ASTN2: variants seen among roughly 807,000 people sequenced by gnomAD.
The protein encoded by ASTN2 is astrotactin 2, also known as astrotactin-2.
Under a neutral mutation model 139.8 loss-of-function variants are expected in ASTN2, and 54 were observed. That is an observed-to-expected ratio of 0.39 (90% CI 0.31 to 0.48). The LOEUF (loss-of-function observed/expected upper bound fraction) is 0.48. Among genes scored for constraint, ASTN2 ranks in the 20% least tolerant of loss-of-function variants. ASTN2 has a pLI of 0.95. For synonymous variants in ASTN2, 756 were observed against 719.5 expected (o/e 1.05, Z -0.81); for missense variants, 1,565 against 1,725.1 (o/e 0.91, Z 1.64).
intron 4 of ASTN2, among the ~76,000 whole-genome samples, chr9:117,099,173 A>T (rs1828913130): frequency 6.6e-6 from 1 of 152,148 alleles, no homozygotes; most frequent in South Asian, 2.1e-4. Flanking sequence ...GGCCAAAGAA[A>T]AAATGAAGGC....
At chr9:117,270,622 C>A (rs967394615) in intron 2 of ASTN2, among the ~76,000 whole-genome samples, 6 of 152,164 alleles carry the variant, frequency 3.9e-5, no homozygotes, top group African/African-American at 1.4e-4. Flanking sequence ...TTTGGTCTCA[C>A]CATTGAGTGG....
intron 1 of ASTN2, among the ~76,000 whole-genome samples, chr9:117,302,617 C>T (rs2130802044): frequency 6.6e-6 from 1 of 152,268 alleles, no homozygotes; most frequent in South Asian, 2.1e-4. Context: ...CCCCACACCC[C>T]AACCCAGGGG....
intron 19 of ASTN2, among the ~76,000 whole-genome samples, chr9:116,607,684 C>T (rs1196390585): frequency 1.3e-5 from 1 of 77,092 alleles, no homozygotes; most frequent in Non-Finnish European, 3.1e-5. Context: ...CACACACACA[C>T]ACACACACAC....
chr9:116,628,990 G>A (rs2131852700), intron 17 of ASTN2, among the ~76,000 whole-genome samples: 1 of 152,272 alleles, frequency 6.6e-6, no homozygotes, highest in South Asian at 2.1e-4. Context: ...GTGGGATGAA[G>A]AGAACAGACA....
rs181565369 is a variant in ASTN2 at position 116,633,383 on chromosome 9, A to C, written c.3073-12940T>G. 4.2e-3 allele frequency among the ~76,000 whole-genome samples: 636 copies of C among 152,288 alleles called. 6 individuals carry two copies. The highest frequency in any genetic ancestry group is 0.014 in the Middle Eastern group (4 of 294). ...ACAAGGCGTTGCTCCTGGACTGCCC[A>C]GTCCTGGAAGGGGAAACCTGGCTGG... On this transcript the variant is annotated intron_variant, in intron 17 of 22. Transcript: ENST00000313400.
chr9:116,740,112 G>T (rs1377481950), intron 13 of ASTN2, among the ~76,000 whole-genome samples: 1 of 152,218 alleles, frequency 6.6e-6, no homozygotes, highest in Admixed American at 6.5e-5. Flanking sequence ...TAAGAAAGGG[G>T]TTGGTTAAAC....
At chr9:117,000,849 A>T (rs1000168239) in intron 7 of ASTN2, among the ~76,000 whole-genome samples, 6 of 152,216 alleles carry the variant, frequency 3.9e-5, no homozygotes, top group African/African-American at 1.4e-4. Flanking sequence ...TGGTGTAAAC[A>T]TCCTCACCAT....
rs1376062376 is a variant in ASTN2, at chr9:116,462,787, C to CGTGTGTGTGTGTGT, written c.3498-20235_3498-20234insACACACACACACAC. Among the ~76,000 whole-genome samples, 261 of 97,624 alleles carry CGTGTGTGTGTGTGT rather than the reference C, an allele frequency of 2.7e-3. 12 individuals are homozygous for CGTGTGTGTGTGTGT. The South Asian group carries it at 0.076, about 28-fold the overall frequency. 64.0% of individuals were successfully genotyped at this position (97,624 alleles called of 152,430 possible). ...TCTTTAAGGGTAAGTGTTGGGTGAG[C>CGTGTGTGTGTGTGT]ATGTGTGTGTGTGTGTGTGTGTGTG... On this transcript the variant is annotated intron_variant, in intron 20 of 22. Coordinates refer to ENST00000313400, the MANE Select transcript of ASTN2 (RefSeq NM_001365068.1).
chr9:116,454,235 C>T (rs1848258904), intron 20 of ASTN2, among the ~76,000 whole-genome samples: 1 of 152,202 alleles, frequency 6.6e-6, no homozygotes, highest in Admixed American at 6.5e-5. Context: ...GAATACTAAA[C>T]TAACCATACT....
chr9:116,759,084 C>T (rs560002044), intron 13 of ASTN2, among the ~76,000 whole-genome samples: 1 of 152,138 alleles, frequency 6.6e-6, no homozygotes, highest in African/African-American at 2.4e-5. Context: ...CCACATGTTG[C>T]CCAGGCTGGT....
At chr9:117,111,816 A>T (rs1829257241) in intron 4 of ASTN2, among the ~76,000 whole-genome samples, 1 of 152,100 alleles carries the variant, frequency 6.6e-6, no homozygotes, top group East Asian at 1.9e-4. Flanking sequence ...ATAAAGCAAG[A>T]AAAAGAAAAA....
chr9:117,225,011 C>T (rs539479998), intron 2 of ASTN2, among the ~76,000 whole-genome samples: 2 of 152,298 alleles, frequency 1.3e-5, no homozygotes, highest in South Asian at 2.1e-4. Flanking sequence ...CAGGGTCTGA[C>T]ACTGAGTAGC....
intron 19 of ASTN2, among the ~76,000 whole-genome samples, chr9:116,507,082 T>C (rs1850144074): frequency 6.6e-6 from 1 of 152,220 alleles, no homozygotes; most frequent in Admixed American, 6.5e-5. Flanking sequence ...TCTACATACA[T>C]AATCGCTTTA....
chr9:117,120,045 T>TATATAC (rs1829515300), intron 4 of ASTN2, among the ~76,000 whole-genome samples: 1 of 130,178 alleles, frequency 7.7e-6, no homozygotes, highest in Non-Finnish European at 1.7e-5. Context: ...TATATATATA[T>TATATAC]ATATACCCTG....
At chr9:117,364,242 T>A (rs1829772461) in intron 1 of ASTN2, among the ~76,000 whole-genome samples, 1 of 152,296 alleles carries the variant, frequency 6.6e-6, no homozygotes, top group East Asian at 1.9e-4. Flanking sequence ...AGGGAGATAG[T>A]GACTTGTTCA....
chr9:117,352,006 A>G (rs1017293257), intron 1 of ASTN2, among the ~76,000 whole-genome samples: 3 of 152,186 alleles, frequency 2.0e-5, no homozygotes, highest in Non-Finnish European at 4.4e-5. Context: ...CTTACTATTA[A>G]TATCTTTTTA....
chr9:117,412,327 G>C lies in ASTN2; in HGVS notation c.442+2170C>G, dbSNP rs185143859. Among the ~76,000 whole-genome samples the C allele has an allele frequency of 1.5e-3, 223 of 152,220 alleles. 1 individual carries two copies. Among genetic ancestry groups the C allele is most frequent in the Middle Eastern group, 0.01 (3 of 294 alleles). On this transcript the variant is annotated intron_variant, in intron 1 of 22. Transcript: ENST00000313400. ...GCCCCGTGCTCTCCAAGGGGCAGAGGGTCCCAAGCTGCCAGGCTCAGGGAC... is the reference window on the plus strand; with the variant it reads ...GCCCCGTGCTCTCCAAGGGGCAGAGCGTCCCAAGCTGCCAGGCTCAGGGAC...
intron 19 of ASTN2, among the ~76,000 whole-genome samples, chr9:116,503,726 T>C (rs1849987993): frequency 6.6e-6 from 1 of 152,114 alleles, no homozygotes. Flanking sequence ...ACATACTTAA[T>C]ATATATATGA....
At chr9:116,476,243 C>T (rs1363506771) in intron 20 of ASTN2, among the ~76,000 whole-genome samples, 1 of 152,228 alleles carries the variant, frequency 6.6e-6, no homozygotes, top group Non-Finnish European at 1.5e-5. Context: ...CTCAGAGCGG[C>T]ATCAGTCACT....
Sources: gnomAD v4.1 joint callset for allele counts (sites outside exome capture counted in the v4.1 genomes callset) on GRCh38, gnomAD v4.1.1 for gene constraint, MANE v1.5 for transcripts, NCBI Gene and HGNC (gene_info 2026-07-23, HGNC 2026-07-21) for gene names.